Variants in GET1 observed in about 807,000 individuals in gnomAD.
GET1 encodes guided entry of tail-anchored proteins factor 1.
GET1 carries 20 observed loss-of-function variants against 22.6 expected under a neutral mutation model. That is an observed-to-expected ratio of 0.89 (90% confidence interval 0.62 to 1.29). The LOEUF (loss-of-function observed/expected upper bound fraction) is 1.29, where lower values mean the gene tolerates loss of function less well. Ranked by LOEUF, GET1 falls within the 50% of genes most tolerant of loss-of-function variation. The pLI, the probability that GET1 is intolerant of heterozygous loss-of-function variation, is 0.00. For missense variants in GET1, 209 were observed against 219.9 expected (o/e 0.95, Z 0.31); for synonymous variants, 92 against 83.8 (o/e 1.10, Z -0.53).
intron 1 of GET1, among the ~76,000 whole-genome samples, chr21:39,382,414 C>T (rs2037610228): frequency 6.6e-6 from 1 of 152,198 alleles, no homozygotes; most frequent in African/African-American, 2.4e-5. Flanking sequence ...TAAACAACAA[C>T]TTTCCATTCC....
At chr21:39,421,285 A>G (rs569509065) in intron 1 of GET1, among the ~76,000 whole-genome samples, 1 of 152,090 alleles carries the variant, frequency 6.6e-6, no homozygotes, top group East Asian at 1.9e-4. Context: ...TATTTTTAGT[A>G]AAGACAGGGT....
At chr21:39,410,822 T>C (rs1157630904), downstream of GET1, 2 of 471,084 alleles carry the variant, frequency 4.2e-6, no homozygotes, top group Non-Finnish European at 4.4e-6. Flanking sequence ...CCTCGGTTGA[T>C]TCATTGTCTC....
chr21:39,384,581 T>C (rs1207964560), intron 1 of GET1, among the ~76,000 whole-genome samples: 2 of 139,514 alleles, frequency 1.4e-5, no homozygotes, highest in African/African-American at 5.2e-5. Context: ...TTTTTTTTTT[T>C]AACTTTTAAG....
chr21:39,426,448 C>G (rs1174859956), intron 1 of GET1, among the ~76,000 whole-genome samples: 1 of 152,152 alleles, frequency 6.6e-6, no homozygotes. Flanking sequence ...TATATAGATT[C>G]AAGATCTCTT....
chr21:39,403,629 ATTTTTTT>A (rs34455597), intron 4 of GET1, among the ~76,000 whole-genome samples: 1 of 138,620 alleles, frequency 7.2e-6, no homozygotes, highest in South Asian at 2.2e-4. Context: ...TTTTATTTTT[ATTTTTTT>A]TTTGAGATGG....
At chr21:39,398,494 A>G (rs2038756078), downstream of GET1, among the ~76,000 whole-genome samples, 2 of 152,100 alleles carry the variant, frequency 1.3e-5, no homozygotes, top group South Asian at 4.1e-4. Context: ...AGAGGTAAAA[A>G]TTTCTGGTTC....
intron 1 of GET1, among the ~76,000 whole-genome samples, chr21:39,381,265 C>T (rs1297391691): frequency 6.6e-6 from 1 of 152,174 alleles, no homozygotes; most frequent in African/African-American, 2.4e-5. Context: ...TGGGAACTGT[C>T]CCCGAGAATG....
At chr21:39,386,356 C>T (rs1169896650) in intron 1 of GET1, 1 of 152,280 alleles carries the variant, frequency 6.6e-6, no homozygotes. Context: ...GGACGACTCT[C>T]TGCTTCACAG....
intron 1 of GET1, 52 bp downstream of exon 1, chr21:39,380,538 C>T (rs1248445169): frequency 7.6e-6 from 12 of 1,574,304 alleles, no homozygotes; most frequent in Non-Finnish European, 1.0e-5. Flanking sequence ...GCCCCAGTCC[C>T]CCGGCGGGTC....
intron 1 of GET1, among the ~76,000 whole-genome samples, chr21:39,390,111 G>A (rs2038201636): frequency 6.6e-6 from 1 of 150,418 alleles, no homozygotes; most frequent in Admixed American, 6.6e-5. Flanking sequence ...GGCTGTGTAG[G>A]TAGAGGGCAG....
intron 1 of GET1, among the ~76,000 whole-genome samples, chr21:39,416,429 C>A (rs7275686): frequency 0.23 from 34,897 of 151,982 alleles, 4,349 homozygotes; most frequent in African/African-American, 0.33. Flanking sequence ...TTAATAGTTT[C>A]TTTGCTTTTG....
intron 1 of GET1, among the ~76,000 whole-genome samples, chr21:39,381,622 G>A (rs534282066): frequency 6.6e-6 from 1 of 152,088 alleles, no homozygotes; most frequent in African/African-American, 2.4e-5. Context: ...TGATGAGCTG[G>A]CCCATGCTCA....
rs66478742 is a variant in GET1 at position 39,414,742 on chromosome 21, C to CTGTGTGTG, written c.*23+3835_*23+3842dup. On this transcript the variant is annotated intron_variant, in intron 1 of 1. Transcript: ENST00000478273. ...TCTCTCTCTCTCTCTCTCTCTCTCT[C>CTGTGTGTG]TGTGTGTGTGTGTGTGTGTGTGTGT... Among the ~76,000 whole-genome samples the CTGTGTGTG allele has an allele frequency of 2.8e-3, 282 of 99,224 alleles. 6 individuals are homozygous for CTGTGTGTG. Among genetic ancestry groups the CTGTGTGTG allele is most frequent in the African/African-American group, 8.3e-3 (188 of 22,728 alleles). The allele number at this position is 99,224 out of a possible 152,430, so 65.1% of individuals were successfully genotyped here. A position where few individuals can be genotyped will look rare whatever the true frequency, so the allele number is the denominator to read the frequency against.
At chr21:39,411,654 TA>T in intron 1 of GET1, 1 of 793,488 alleles carries the variant, frequency 1.3e-6, no homozygotes, top group Non-Finnish European at 2.0e-6. Context: ...TTTGTCTATA[TA>T]AATTAGGAAA....
chr21:39,405,520 C>A (rs2038993314), intron 4 of GET1, among the ~76,000 whole-genome samples: 1 of 152,158 alleles, frequency 6.6e-6, no homozygotes, highest in Non-Finnish European at 1.5e-5. Flanking sequence ...AGTTACAATT[C>A]AACTCTATTG....
chr21:39,411,853 C>T (rs998711562), intron 1 of GET1: 1 of 1,036,072 alleles, frequency 9.7e-7, no homozygotes. Context: ...CTTTTGTCAA[C>T]CCTGATTTCT....
intron 1 of GET1, among the ~76,000 whole-genome samples, chr21:39,417,180 G>A (rs577848914): frequency 5.9e-5 from 9 of 152,008 alleles, no homozygotes; most frequent in South Asian, 2.1e-4. Flanking sequence ...TTACAGGCGC[G>A]CACCACCACA....
downstream of GET1, chr21:39,410,264 CT>C (rs748525028): frequency 1.3e-6 from 2 of 1,588,784 alleles, no homozygotes; most frequent in South Asian, 2.3e-5. Flanking sequence ...TTTGCTGTAC[CT>C]TAGTTGTCAA....
chr21:39,392,103 A>T (rs1601624914), intron 3 of GET1: 1 of 439,168 alleles, frequency 2.3e-6, no homozygotes, highest in South Asian at 2.9e-5. Flanking sequence ...CCATGCCTGC[A>T]TCCCAGTGTG....
Sources: allele counts gnomAD v4.1 joint callset (sites outside exome capture counted in the v4.1 genomes callset), GRCh38; gene constraint gnomAD v4.1.1; transcripts MANE v1.5; gene names NCBI Gene and HGNC (gene_info 2026-07-23, HGNC 2026-07-21).